The following C12orf42 variants were observed in gnomAD, a reference collection of about 807,000 sequenced individuals.
The protein encoded by C12orf42 is uncharacterized protein C12orf42.
C12orf42 carries 25 observed loss-of-function variants against 21.6 expected under a neutral mutation model. The observed-to-expected ratio is 1.16, with a 90% CI of 0.84 to 1.62. The LOEUF (loss-of-function observed/expected upper bound fraction) is 1.62, where lower values mean the gene tolerates loss of function less well. Among genes scored for constraint, C12orf42 ranks in the 40% most tolerant of loss-of-function variants. The pLI is 0.00. For synonymous variants in C12orf42, 174 were observed against 175.0 expected, an observed-to-expected ratio of 0.99 and a Z score of 0.05; for missense variants, 483 against 459.3, an observed-to-expected ratio of 1.05 and a Z score of -0.47.
chr12:103,523,385 C>T, the C12orf42 span, among the ~76,000 whole-genome samples: 1 of 151,888 alleles, frequency 6.6e-6, no homozygotes. Flanking sequence ...CATTATATGT[C>T]TTCTCTATCA....
At chr12:103,111,197 A>G in the C12orf42 span, among the ~76,000 whole-genome samples, 1 of 152,238 alleles carries the variant, frequency 6.6e-6, no homozygotes, top group Non-Finnish European at 1.5e-5. Flanking sequence ...ACATTAAAAA[A>G]TAATAGAAAT....
chr12:103,337,770 T>G (rs2041829700), intron 4 of C12orf42, among the ~76,000 whole-genome samples: 1 of 152,120 alleles, frequency 6.6e-6, no homozygotes, highest in Non-Finnish European at 1.5e-5. Context: ...GAACAAAACC[T>G]CATTCCCAGC....
chr12:103,284,629 G>T (rs576097967), intron 4 of C12orf42, among the ~76,000 whole-genome samples: 1 of 152,152 alleles, frequency 6.6e-6, no homozygotes, highest in African/African-American at 2.4e-5. Flanking sequence ...TTACAGTATC[G>T]CTAATACCAA....
chr12:103,385,364 C>T (rs542524944), intron 3 of C12orf42, among the ~76,000 whole-genome samples: 1 of 152,148 alleles, frequency 6.6e-6, no homozygotes, highest in Non-Finnish European at 1.5e-5. Flanking sequence ...GAACTGAATA[C>T]CGTGTCAAAT....
intron 2 of C12orf42, among the ~76,000 whole-genome samples, chr12:103,461,721 C>A (rs1353506277): frequency 6.6e-6 from 1 of 152,156 alleles, no homozygotes; most frequent in East Asian, 1.9e-4. Flanking sequence ...TCCTTTGTAA[C>A]ACTGAGATTT....
At chr12:103,178,972 G>A in the C12orf42 span, among the ~76,000 whole-genome samples, 2 of 152,122 alleles carry the variant, frequency 1.3e-5, no homozygotes, top group African/African-American at 4.8e-5. Context: ...CCAATGAACT[G>A]ACCAGTTGTT....
intron 3 of C12orf42, among the ~76,000 whole-genome samples, chr12:103,394,055 A>G (rs1223819082): frequency 6.6e-6 from 1 of 152,334 alleles, no homozygotes; most frequent in East Asian, 1.9e-4. Context: ...TTTTTCTTTC[A>G]GATGTTCATA....
At chr12:103,167,224 C>T in the C12orf42 span, among the ~76,000 whole-genome samples, 2 of 152,188 alleles carry the variant, frequency 1.3e-5, no homozygotes, top group African/African-American at 4.8e-5. Context: ...GACCTTCAAA[C>T]CCAAGTCAGT....
chr12:103,293,775 T>G (rs950354994), intron 4 of C12orf42, among the ~76,000 whole-genome samples: 1 of 152,182 alleles, frequency 6.6e-6, no homozygotes, highest in Admixed American at 6.5e-5. Flanking sequence ...TACGTCTTCA[T>G]TGAAATACAG....
intron 2 of C12orf42, among the ~76,000 whole-genome samples, chr12:103,430,786 A>G (rs554338155): frequency 1.3e-5 from 2 of 152,260 alleles, no homozygotes; most frequent in Non-Finnish European, 2.9e-5. Context: ...TGCAGCCACA[A>G]AAAGGAATGA....
chr12:103,419,754 G>C (rs544109132), intron 2 of C12orf42, among the ~76,000 whole-genome samples: 16 of 152,186 alleles, frequency 1.1e-4, no homozygotes, highest in Middle Eastern at 3.4e-3. Flanking sequence ...TCACCCTCTA[G>C]TCATTTCCAT....
chr12:103,224,508 T>C, the C12orf42 span, among the ~76,000 whole-genome samples: 49,376 of 150,172 alleles, frequency 0.33, 7,784 homozygotes, highest in Non-Finnish European at 0.38. Context: ...GTCAGGTGGA[T>C]CAGAGAGATA....
the C12orf42 span, among the ~76,000 whole-genome samples, chr12:103,184,762 G>C: frequency 7.7e-4 from 98 of 127,010 alleles, 1 homozygote; most frequent in East Asian, 0.018. Flanking sequence ...CAGTAACTCA[G>C]CATGTGACTA....
At chr12:103,277,627 CTT>C (rs548608007) in intron 4 of C12orf42, among the ~76,000 whole-genome samples, 1 of 144,724 alleles carries the variant, frequency 6.9e-6, no homozygotes, top group Admixed American at 6.9e-5. Context: ...TTTTCTTTTT[CTT>C]TTTTTTTTTG....
the C12orf42 span, among the ~76,000 whole-genome samples, chr12:103,537,444 T>C: frequency 6.6e-6 from 1 of 152,158 alleles, no homozygotes; most frequent in African/African-American, 2.4e-5. Flanking sequence ...ACAAATCTGG[T>C]TCAATATTTC....
the C12orf42 span, among the ~76,000 whole-genome samples, chr12:103,059,935 G>A: frequency 1.8e-4 from 28 of 152,208 alleles, no homozygotes; most frequent in African/African-American, 4.3e-4. Flanking sequence ...CAACGATGCC[G>A]TCTCTCACCA....
chr12:103,225,035 A>T, the C12orf42 span, among the ~76,000 whole-genome samples: 3 of 152,180 alleles, frequency 2.0e-5, no homozygotes, highest in Non-Finnish European at 4.4e-5. Flanking sequence ...GGGGCTGTCT[A>T]TGAAGCCTTG....
intron 4 of C12orf42, among the ~76,000 whole-genome samples, chr12:103,328,746 G>C (rs958246626): frequency 1.3e-5 from 2 of 152,178 alleles, no homozygotes; most frequent in African/African-American, 4.8e-5. Context: ...TCCATCTCCA[G>C]GAGTATGCAA....
chr12:103,323,768 TAAGAAAA>T (rs1368981939), intron 4 of C12orf42, among the ~76,000 whole-genome samples: 1 of 152,156 alleles, frequency 6.6e-6, no homozygotes, highest in East Asian at 1.9e-4. Flanking sequence ...AAAATGAAAA[TAAGAAAA>T]AAGAAAGCTA....
Sources: gnomAD v4.1 joint callset for allele counts (sites outside exome capture counted in the v4.1 genomes callset) on GRCh38, gnomAD v4.1.1 for gene constraint, MANE v1.5 for transcripts, NCBI Gene and HGNC (gene_info 2026-07-23, HGNC 2026-07-21) for gene names.